Variants in PSPC1 observed in about 807,000 individuals in gnomAD.
The protein encoded by PSPC1 is paraspeckle protein 1.
Under a neutral mutation model 51.6 loss-of-function variants are expected in PSPC1, and 14 were observed. The observed-to-expected ratio is 0.27, with a 90% CI of 0.18 to 0.42. The LOEUF (loss-of-function observed/expected upper bound fraction) is 0.42, where lower values mean the gene tolerates loss of function less well. Among genes scored for constraint, PSPC1 ranks in the 10% least tolerant of loss-of-function variants. The pLI is 1.00. For missense variants in PSPC1, 406 were observed against 701.1 expected (o/e 0.58, Z 4.75); for synonymous variants, 193 against 231.9 (o/e 0.83, Z 1.53).
intron 6 of PSPC1, among the ~76,000 whole-genome samples, chr13:19,715,841 G>A (rs574054392): frequency 1.3e-4 from 19 of 151,998 alleles, no homozygotes; most frequent in Non-Finnish European, 1.9e-4. Flanking sequence ...GTGAAACCCC[G>A]TCTCTACTAA....
chr13:19,678,063 A>T, intron 6 of PSPC1: 1 of 333,682 alleles, frequency 3.0e-6, no homozygotes, highest in South Asian at 2.4e-5. Flanking sequence ...CTTCTACAGT[A>T]AACAGTATTA....
chr13:19,704,460 G>A (rs71421766), intron 8 of PSPC1, among the ~76,000 whole-genome samples: 4 of 152,270 alleles, frequency 2.6e-5, no homozygotes, highest in African/African-American at 4.8e-5. Flanking sequence ...TCTGATCACG[G>A]TGGATTTACA....
downstream of PSPC1, among the ~76,000 whole-genome samples, chr13:19,700,688 G>A (rs1014662817): frequency 4.6e-5 from 7 of 151,944 alleles, no homozygotes; most frequent in Admixed American, 1.3e-4. Flanking sequence ...ATTAAGTCCT[G>A]AAGACTTTAA....
At chr13:19,679,272 A>T (rs1332194160) in intron 6 of PSPC1, among the ~76,000 whole-genome samples, 1 of 152,190 alleles carries the variant, frequency 6.6e-6, no homozygotes, top group Non-Finnish European at 1.5e-5. Context: ...AGGTGGGCAG[A>T]TCACTTTAGT....
intron 6 of PSPC1, among the ~76,000 whole-genome samples, chr13:19,682,818 C>T (rs1033442063): frequency 3.3e-5 from 5 of 151,824 alleles, no homozygotes; most frequent in Non-Finnish European, 5.9e-5. Context: ...TCCCAGCATT[C>T]TGGAAGGCCG....
downstream of PSPC1, among the ~76,000 whole-genome samples, chr13:19,700,019 A>T (rs1879713173): frequency 6.6e-6 from 1 of 151,982 alleles, no homozygotes; most frequent in South Asian, 2.1e-4. Flanking sequence ...TCTGACACTA[A>T]ATCTCAACCC....
chr13:19,763,966 G>A (rs1887818332), intron 2 of PSPC1, among the ~76,000 whole-genome samples: 1 of 152,206 alleles, frequency 6.6e-6, no homozygotes, highest in Admixed American at 6.5e-5. Flanking sequence ...TCACACCACT[G>A]CACTCCAGCC....
At chr13:19,744,565 CTT>C (rs1395061709) in intron 4 of PSPC1, among the ~76,000 whole-genome samples, 2 of 149,668 alleles carry the variant, frequency 1.3e-5, no homozygotes, top group Non-Finnish European at 1.5e-5. Context: ...CTTTTTTTTT[CTT>C]TTTTTTCTTT....
At chr13:19,726,009 A>T (rs1227912171) in intron 6 of PSPC1, among the ~76,000 whole-genome samples, 1 of 151,984 alleles carries the variant, frequency 6.6e-6, no homozygotes, top group African/African-American at 2.4e-5. Context: ...AAAATGAAGA[A>T]AGATGGGTAC....
chr13:19,760,641 C>G (rs909530551), intron 2 of PSPC1, among the ~76,000 whole-genome samples: 2 of 151,892 alleles, frequency 1.3e-5, no homozygotes, highest in Non-Finnish European at 2.9e-5. Flanking sequence ...ATGGCTTGAG[C>G]CCAGAAATTC....
At chr13:19,691,567 A>T (rs1189827095) in intron 6 of PSPC1, among the ~76,000 whole-genome samples, 1 of 152,044 alleles carries the variant, frequency 6.6e-6, no homozygotes, top group Non-Finnish European at 1.5e-5. Flanking sequence ...TATACTGATA[A>T]AATTGACATG....
At chr13:19,764,179 C>G (rs150963277) in intron 2 of PSPC1, among the ~76,000 whole-genome samples, 2 of 152,038 alleles carry the variant, frequency 1.3e-5, no homozygotes, top group Non-Finnish European at 2.9e-5. Flanking sequence ...AAACAAGGCC[C>G]CTGAAATCCT....
intron 1 of PSPC1, among the ~76,000 whole-genome samples, chr13:19,774,819 C>G (rs4769070): frequency 0.012 from 1,632 of 135,724 alleles, 27 homozygotes; most frequent in African/African-American, 0.043. Flanking sequence ...AAAAAAAAAA[C>G]AAAAAAAAAA....
downstream of PSPC1, among the ~76,000 whole-genome samples, chr13:19,700,638 CTTTAT>C (rs1304473995): frequency 6.6e-6 from 1 of 151,906 alleles, no homozygotes; most frequent in Non-Finnish European, 1.5e-5. Flanking sequence ...ACAGGTGTTC[CTTTAT>C]TTTATACACA....
intron 6 of PSPC1, among the ~76,000 whole-genome samples, chr13:19,714,519 T>G (rs1410742073): frequency 1.3e-5 from 2 of 150,270 alleles, no homozygotes; most frequent in African/African-American, 4.9e-5. Context: ...TTTTCCTTTG[T>G]CAGTCTCACT....
chr13:19,688,252 G>A (rs1226778111), intron 6 of PSPC1, among the ~76,000 whole-genome samples: 3 of 151,824 alleles, frequency 2.0e-5, no homozygotes, highest in African/African-American at 4.8e-5. Context: ...TGTGTAATCC[G>A]TCAAGGTACC....
chr13:19,765,222 G>A (rs1887949219), intron 2 of PSPC1, among the ~76,000 whole-genome samples: 1 of 151,440 alleles, frequency 6.6e-6, no homozygotes, highest in East Asian at 1.9e-4. Flanking sequence ...TACTCAGGAG[G>A]TTGAGGCACA....
chr13:19,680,202 A>G (rs950568907), intron 6 of PSPC1, among the ~76,000 whole-genome samples: 1 of 152,108 alleles, frequency 6.6e-6, no homozygotes, highest in Non-Finnish European at 1.5e-5. Context: ...TTTAGTAGAG[A>G]TAGGGTTTCA....
At chr13:19,771,258 C>T (rs1437228496) in intron 2 of PSPC1, among the ~76,000 whole-genome samples, 1 of 152,138 alleles carries the variant, frequency 6.6e-6, no homozygotes, top group Non-Finnish European at 1.5e-5. Context: ...GTGACTCACC[C>T]TCCCAAGTAG....
Sources: allele counts gnomAD v4.1 joint callset (sites outside exome capture counted in the v4.1 genomes callset), GRCh38; gene constraint gnomAD v4.1.1; transcripts MANE v1.5; gene names NCBI Gene and HGNC (gene_info 2026-07-23, HGNC 2026-07-21).